Variants in ITSN1 observed in about 807,000 individuals in gnomAD.
ITSN1 encodes intersectin-1.
In ITSN1, 58 loss-of-function variants were observed where a neutral mutation model predicts 239.8. That is an observed-to-expected ratio of 0.24 (90% CI 0.20 to 0.30). The LOEUF (loss-of-function observed/expected upper bound fraction) is 0.30, where lower values mean the gene tolerates loss of function less well. ITSN1 is among the 10% of genes least tolerant of loss of function. ITSN1 has a pLI of 1.00. For missense variants in ITSN1, 1,558 were observed against 2,103.3 expected (o/e 0.74, Z 5.07); for synonymous variants, 780 against 770.8 (o/e 1.01, Z -0.20).
At chr21:33,821,304 ATGACT>A (rs1302628034) in intron 24 of ITSN1, among the ~76,000 whole-genome samples, 1 of 152,162 alleles carries the variant, frequency 6.6e-6, no homozygotes, top group Non-Finnish European at 1.5e-5. Flanking sequence ...CAATTTTGAA[ATGACT>A]TAGTTATTAG....
chr21:33,813,604 C>T (rs146247092), intron 21 of ITSN1, among the ~76,000 whole-genome samples: 1 of 152,176 alleles, frequency 6.6e-6, no homozygotes, highest in African/African-American at 2.4e-5. Flanking sequence ...CCAGCCACCT[C>T]GGCCTCCCAC....
chr21:33,864,714 A>G (rs1981263204), intron 31 of ITSN1, among the ~76,000 whole-genome samples: 1 of 152,110 alleles, frequency 6.6e-6, no homozygotes, highest in Admixed American at 6.6e-5. Context: ...TTGCCATCTT[A>G]ATTATGTTCT....
At position 33,642,521 on chromosome 21, in the gene ITSN1, C is replaced by G. The variant is rs1435876966; in HGVS notation, c.-225C>G. On this transcript the variant is annotated 5_prime_UTR_variant, in exon 1 of 40. Coordinates refer to ENST00000381318, the MANE Select transcript of ITSN1 (RefSeq NM_003024.3). ...AGGAGGTAGAGAAGAGTGGAGGCGC[C>G]AGGGGAGGGAGCGTAGCTTGGTTGC... is the stretch of plus-strand genomic sequence containing the variant. The G allele has an allele frequency of 1.3e-5, 2 of 152,830 alleles. No individual in the cohort carries two copies. Among genetic ancestry groups the G allele is most frequent in the Non-Finnish European group, 2.9e-5 (2 of 68,262 alleles). 9.5% of individuals were successfully genotyped at this position (152,830 alleles called of 1,614,324 possible). A position where few individuals can be genotyped will look rare whatever the true frequency, so the allele number is the denominator to read the frequency against.
intron 33 of ITSN1, among the ~76,000 whole-genome samples, chr21:33,870,558 G>A (rs1235591211): frequency 2.0e-5 from 3 of 152,186 alleles, no homozygotes; most frequent in East Asian, 1.9e-4. Flanking sequence ...CTGATGTGGA[G>A]AAATTCTTAG....
At chr21:33,799,592 T>C (rs938284285) in intron 18 of ITSN1, among the ~76,000 whole-genome samples, 2 of 151,774 alleles carry the variant, frequency 1.3e-5, no homozygotes, top group South Asian at 4.2e-4. Flanking sequence ...TTAGAGAGAG[T>C]CACTAATGAA....
intron 9 of ITSN1, among the ~76,000 whole-genome samples, chr21:33,762,402 G>T (rs868836653): frequency 1.4e-4 from 22 of 151,946 alleles, no homozygotes; most frequent in African/African-American, 5.3e-4. Context: ...GAGTAGCTGG[G>T]ATTATAGGCA....
intron 1 of ITSN1, among the ~76,000 whole-genome samples, chr21:33,689,681 A>C (rs2146633099): frequency 6.6e-6 from 1 of 152,194 alleles, no homozygotes; most frequent in South Asian, 2.1e-4. Flanking sequence ...AAAGAATAAA[A>C]AATAGACTAG....
chr21:33,753,765 A>AAAAAAAAAAT (rs1387415480), intron 7 of ITSN1, among the ~76,000 whole-genome samples: 7 of 145,288 alleles, frequency 4.8e-5, no homozygotes, highest in African/African-American at 1.9e-4. Flanking sequence ...CTTTCTTAAA[A>AAAAAAAAAAT]AAAAAAAAAA....
At chr21:33,834,447 C>T in intron 28 of ITSN1, 23 bp downstream of exon 28, 1 of 1,492,482 alleles carries the variant, frequency 6.7e-7, no homozygotes, top group Non-Finnish European at 9.3e-7. Flanking sequence ...GCATCTCTAA[C>T]TGGAAGATGG....
rs1169168864 is a variant in ITSN1 at position 33,836,524 on chromosome 21, C to T, written c.3553C>T (p.Leu1185Phe). ...AFNKGQIINV[L>F]NKEDPDWWKG... ...CAACAAGGGCCAGATCATCAACGTC[C>T]TCAACAAGGAGGACCCTGACTGGTG... The change falls in exon 29 of 40, where the codon CTC becomes TTC. Residue 1185 changes from leucine (L) to phenylalanine (F), a missense_variant. This residue lies in a region of ITSN1 where 576 missense variants were observed against 893.3 expected (regional missense o/e 0.64). Coordinates refer to ENST00000381318, the MANE Select transcript of ITSN1 (RefSeq NM_003024.3). The T allele has an allele frequency of 6.2e-7, 1 of 1,614,114 alleles. No individual in the cohort carries two copies. The highest frequency in any genetic ancestry group is 1.7e-5 in the Admixed American group (1 of 60,024).
intron 1 of ITSN1, among the ~76,000 whole-genome samples, chr21:33,642,975 G>C (rs1332144988): frequency 4.0e-5 from 6 of 150,346 alleles, no homozygotes; most frequent in Admixed American, 1.3e-4. Flanking sequence ...GGTGGGCCGT[G>C]GGGTGGCGGC....
intron 8 of ITSN1, among the ~76,000 whole-genome samples, chr21:33,759,307 A>G (rs970231548): frequency 6.6e-6 from 1 of 152,210 alleles, no homozygotes; most frequent in African/African-American, 2.4e-5. Flanking sequence ...CATTTCACAG[A>G]TGGAAGAACT....
chr21:33,746,740 G>A (rs1279924478), intron 5 of ITSN1, among the ~76,000 whole-genome samples: 2 of 152,048 alleles, frequency 1.3e-5, no homozygotes, highest in African/African-American at 4.8e-5. Context: ...TATGTGGGAG[G>A]CTGAAGCAGG....
chr21:33,817,663 A>C (rs1331034538), intron 22 of ITSN1: 1 of 1,202,680 alleles, frequency 8.3e-7, no homozygotes, highest in African/African-American at 1.6e-5. Flanking sequence ...TGGGGGAGGC[A>C]GAGACTGTTT....
intron 1 of ITSN1, among the ~76,000 whole-genome samples, chr21:33,659,705 C>T (rs112705153): frequency 1.1e-3 from 85 of 76,578 alleles, no homozygotes; most frequent in Admixed American, 1.4e-3. Flanking sequence ...GCAGCCTGTA[C>T]TTTTTTTTTT....
intron 1 of ITSN1, among the ~76,000 whole-genome samples, chr21:33,674,519 AAAT>A (rs2090481396): frequency 6.6e-6 from 1 of 152,184 alleles, no homozygotes; most frequent in African/African-American, 2.4e-5. Context: ...AGACAATTAA[AAAT>A]AATAATATGG....
At chr21:33,831,116 A>T (rs1159464948) in intron 27 of ITSN1, among the ~76,000 whole-genome samples, 2 of 152,210 alleles carry the variant, frequency 1.3e-5, no homozygotes, top group East Asian at 3.8e-4. Flanking sequence ...GACTTTTCAT[A>T]CAGAAAGTGT....
chr21:33,858,818 C>A, intron 31 of ITSN1, 26 bp downstream of exon 31: 1 of 1,452,086 alleles, frequency 6.9e-7, no homozygotes. Flanking sequence ...AATCCCCAGC[C>A]TGGCTTGGCC....
At chr21:33,859,226 C>T (rs530064664) in intron 31 of ITSN1, among the ~76,000 whole-genome samples, 1 of 152,288 alleles carries the variant, frequency 6.6e-6, no homozygotes, top group South Asian at 2.1e-4. Context: ...CACTGCCTAA[C>T]ATCAGCAGTT....
Sources: allele counts gnomAD v4.1 joint callset (sites outside exome capture counted in the v4.1 genomes callset), GRCh38; gene constraint gnomAD v4.1.1; regional missense constraint gnomAD v4.1.1; transcripts MANE v1.5; gene names NCBI Gene and HGNC (gene_info 2026-07-23, HGNC 2026-07-21).